Variants in NETO1 observed in about 807,000 individuals in gnomAD.
NETO1 encodes the protein neuropilin and tolloid like 1.
NETO1 carries 26 observed loss-of-function variants against 61.3 expected under a neutral mutation model. The ratio of observed to expected loss-of-function variants is 0.42; its 90% confidence interval spans 0.31 to 0.59. The LOEUF is 0.59. Among genes scored for constraint, NETO1 ranks in the 20% least tolerant of loss-of-function variants. NETO1 has a pLI of 0.12. For missense variants in NETO1, 531 were observed against 662.8 expected (o/e 0.80, Z 2.18); for synonymous variants, 225 against 225.8 (o/e 1.00, Z 0.03).
intron 7 of NETO1, among the ~76,000 whole-genome samples, chr18:72,765,863 G>A (rs1016919411): frequency 3.9e-5 from 6 of 152,134 alleles, no homozygotes; most frequent in Non-Finnish European, 1.5e-5. Context: ...TCAATTATGA[G>A]TAATCAACTG....
chr18:72,760,237 C>G (rs988505411), intron 7 of NETO1, among the ~76,000 whole-genome samples: 9 of 152,180 alleles, frequency 5.9e-5, no homozygotes, highest in African/African-American at 2.2e-4. Flanking sequence ...CATATCATTG[C>G]TCTTGATTTA....
chr18:72,845,759 T>C (rs1255499172), intron 4 of NETO1, among the ~76,000 whole-genome samples: 1 of 152,230 alleles, frequency 6.6e-6, no homozygotes, highest in Non-Finnish European at 1.5e-5. Context: ...AAAGAATATT[T>C]CATCCAAACC....
At chr18:72,797,816 C>T (rs1223583034) in intron 4 of NETO1, among the ~76,000 whole-genome samples, 1 of 152,148 alleles carries the variant, frequency 6.6e-6, no homozygotes, top group Non-Finnish European at 1.5e-5. Context: ...CTCATACACC[C>T]CAGGCTGTTC....
At chr18:72,828,784 T>A (rs1181174848) in intron 4 of NETO1, among the ~76,000 whole-genome samples, 1 of 152,172 alleles carries the variant, frequency 6.6e-6, no homozygotes, top group African/African-American at 2.4e-5. Flanking sequence ...TGACTGCAGA[T>A]ATTTCAACAG....
At chr18:72,814,400 C>G (rs755556786) in intron 4 of NETO1, among the ~76,000 whole-genome samples, 1 of 149,590 alleles carries the variant, frequency 6.7e-6, no homozygotes, top group Admixed American at 6.7e-5. Context: ...TAATTTAATT[C>G]CAAAAATAAA....
At chr18:72,818,453 T>C (rs1238793637) in intron 4 of NETO1, among the ~76,000 whole-genome samples, 1 of 152,252 alleles carries the variant, frequency 6.6e-6, no homozygotes, top group Non-Finnish European at 1.5e-5. Flanking sequence ...TGGAGGATTC[T>C]AACCTTGGGT....
chr18:72,796,592 T>G (rs1292592631), intron 4 of NETO1, among the ~76,000 whole-genome samples: 1 of 152,052 alleles, frequency 6.6e-6, no homozygotes, highest in Non-Finnish European at 1.5e-5. Context: ...TTCTCCTGCC[T>G]CAGCCTCCCA....
At chr18:72,763,113 G>A (rs528586719) in intron 7 of NETO1, among the ~76,000 whole-genome samples, 6 of 148,704 alleles carry the variant, frequency 4.0e-5, no homozygotes, top group Middle Eastern at 3.5e-3. Flanking sequence ...AATCCACTAC[G>A]CTTATTCTAT....
At chr18:72,769,720 T>C (rs1336672888) in intron 7 of NETO1, among the ~76,000 whole-genome samples, 9 of 152,170 alleles carry the variant, frequency 5.9e-5, no homozygotes, top group Non-Finnish European at 2.9e-5. Context: ...CCCATGTAGT[T>C]ACAAGAGTAT....
At chr18:72,808,846 C>A (rs1013926939) in intron 4 of NETO1, among the ~76,000 whole-genome samples, 1 of 152,172 alleles carries the variant, frequency 6.6e-6, no homozygotes, top group African/African-American at 2.4e-5. Flanking sequence ...TCATGCCAGG[C>A]AGCAGTGGGA....
intron 4 of NETO1, among the ~76,000 whole-genome samples, chr18:72,822,752 T>C (rs952847650): frequency 6.6e-6 from 1 of 152,240 alleles, no homozygotes; most frequent in Non-Finnish European, 1.5e-5. Flanking sequence ...GACACTGTTC[T>C]GTAATCTTGT....
In NETO1 at chr18:72,750,652, G is replaced by A. The variant is rs760170083; in HGVS notation, c.983-32C>T. Reference sequence around the variant, plus strand: ...GTTGGAGAGAGTGAAAACAACAAACGGACAAAAGAAGAAGCAACGCAGCAA... The same window carrying A: ...GTTGGAGAGAGTGAAAACAACAAACAGACAAAAGAAGAAGCAACGCAGCAA... On this transcript the variant is annotated intron_variant, in intron 8 of 10. Coordinates refer to ENST00000327305, the MANE Select transcript of NETO1 (RefSeq NM_138966.5). 1.1e-5 allele frequency: 17 copies of A among 1,499,168 alleles called. No homozygotes were observed. In the East Asian group the frequency reaches 2.1e-4, roughly 18 times the overall value. 92.9% of individuals were successfully genotyped at this position (1,499,168 alleles called of 1,614,324 possible). A position where few individuals can be genotyped will look rare whatever the true frequency, so the allele number is the denominator to read the frequency against.
At chr18:72,770,730 C>T (rs1240408678) in intron 7 of NETO1, among the ~76,000 whole-genome samples, 4 of 152,056 alleles carry the variant, frequency 2.6e-5, no homozygotes, top group East Asian at 3.8e-4. Context: ...ATTTTCTTTT[C>T]GTGGTGAAAT....
chr18:72,857,580 T>A (rs2074444948), intron 4 of NETO1, among the ~76,000 whole-genome samples: 1 of 152,208 alleles, frequency 6.6e-6, no homozygotes, highest in South Asian at 2.1e-4. Flanking sequence ...AGGTACAGGT[T>A]ATATTCAAAA....
chr18:72,849,224 TAA>T (rs201274452), intron 4 of NETO1, among the ~76,000 whole-genome samples: 2,074 of 152,336 alleles, frequency 0.014, 60 homozygotes, highest in African/African-American at 0.047. Context: ...GTTAATTGCA[TAA>T]TGTTCTGCTT....
At chr18:72,825,380 C>A (rs2073342193) in intron 4 of NETO1, among the ~76,000 whole-genome samples, 1 of 152,152 alleles carries the variant, frequency 6.6e-6, no homozygotes, top group African/African-American at 2.4e-5. Context: ...GTGTTGATAA[C>A]CCTTCACCTT....
intron 8 of NETO1, among the ~76,000 whole-genome samples, chr18:72,752,338 C>T (rs1394557105): frequency 6.6e-6 from 1 of 152,132 alleles, no homozygotes; most frequent in Non-Finnish European, 1.5e-5. Flanking sequence ...CAACTGGCTG[C>T]AATACCAACA....
chr18:72,867,164 C>T (rs1296768618), intron 1 of NETO1, 100 bp downstream of exon 1: 6 of 891,920 alleles, frequency 6.7e-6, no homozygotes, highest in Non-Finnish European at 8.0e-6. Context: ...CAGGGTCCGC[C>T]GGAGCGCGGC....
intron 7 of NETO1, among the ~76,000 whole-genome samples, chr18:72,761,231 T>C (rs2070962638): frequency 6.6e-6 from 1 of 152,180 alleles, no homozygotes; most frequent in Non-Finnish European, 1.5e-5. Context: ...CGAGAATGCA[T>C]ATTTGAAAGT....
Sources: allele counts gnomAD v4.1 joint callset (sites outside exome capture counted in the v4.1 genomes callset), GRCh38; gene constraint gnomAD v4.1.1; transcripts MANE v1.5; gene names NCBI Gene and HGNC (gene_info 2026-07-23, HGNC 2026-07-21).